EYS: variants seen among roughly 807,000 people sequenced by gnomAD.
EYS encodes EGF-like photoreceptor maintenance factor.
In EYS, 250 loss-of-function variants were observed where a neutral mutation model predicts 282.1. The ratio of observed to expected loss-of-function variants is 0.89; its 90% CI spans 0.80 to 0.98. The LOEUF (loss-of-function observed/expected upper bound fraction) is 0.98. EYS is among the 50% of genes least tolerant of loss of function. The pLI, the probability that EYS is intolerant of heterozygous loss-of-function variation, is 0.00. For missense variants in EYS, 4,016 were observed against 3,709.0 expected, an observed-to-expected ratio of 1.08 and a Z score of -2.15; for synonymous variants, 1,355 against 1,282.9, an observed-to-expected ratio of 1.06 and a Z score of -1.20.
chr6:64,616,692 T>C lies in EYS; in HGVS notation c.3684+726A>G, dbSNP rs978825112. ...ACACTTGTTCATCTTTTATACACACTGGCCAGATGCTTGAAGTATGATTCT... is the reference window on the plus strand; with the variant it reads ...ACACTTGTTCATCTTTTATACACACCGGCCAGATGCTTGAAGTATGATTCT... On this transcript the variant is annotated intron_variant, in intron 24 of 42. Coordinates refer to ENST00000503581, the MANE Select transcript of EYS (RefSeq NM_001142800.2). Among the ~76,000 whole-genome samples, 6 of 152,148 alleles carry C rather than the reference T, an allele frequency of 3.9e-5. 1 individual carries two copies. The highest frequency in any genetic ancestry group is 1.4e-4 in the African/African-American group (6 of 41,428).
At chr6:65,186,770 T>C (rs1332089357) in intron 12 of EYS, among the ~76,000 whole-genome samples, 2 of 151,746 alleles carry the variant, frequency 1.3e-5, no homozygotes, top group African/African-American at 4.8e-5. Context: ...AAAGTCACCA[T>C]AGCATCACAG....
At chr6:64,957,455 G>A (rs184555023) in intron 14 of EYS, among the ~76,000 whole-genome samples, 7 of 152,090 alleles carry the variant, frequency 4.6e-5, no homozygotes, top group African/African-American at 1.7e-4. Flanking sequence ...TTTGGGAGAT[G>A]TGGGAATGGT....
chr6:65,025,219 T>A (rs1772370090), intron 13 of EYS, among the ~76,000 whole-genome samples: 1 of 152,200 alleles, frequency 6.6e-6, no homozygotes, highest in Admixed American at 6.5e-5. Flanking sequence ...CTATAGCAGA[T>A]TTTAAGAGTT....
intron 24 of EYS, among the ~76,000 whole-genome samples, chr6:64,595,709 C>T (rs1030008783): frequency 1.3e-5 from 2 of 151,996 alleles, no homozygotes; most frequent in African/African-American, 4.8e-5. Flanking sequence ...AAAAGAAATA[C>T]ATAGGAATAA....
chr6:65,495,729 G>T (rs1465257640), intron 3 of EYS, 122 bp from the exon 4 acceptor site: 3 of 369,458 alleles, frequency 8.1e-6, no homozygotes, highest in Non-Finnish European at 1.5e-5. Context: ...GTCACCAGCA[G>T]CTGGGGACCT....
chr6:64,683,533 T>C (rs999212541), intron 22 of EYS, among the ~76,000 whole-genome samples: 2 of 152,178 alleles, frequency 1.3e-5, no homozygotes, highest in Non-Finnish European at 2.9e-5. Flanking sequence ...TGAAGTCATA[T>C]AAACAGTAAT....
At chr6:64,929,949 T>C (rs1768653552) in intron 15 of EYS, among the ~76,000 whole-genome samples, 1 of 152,142 alleles carries the variant, frequency 6.6e-6, no homozygotes, top group South Asian at 2.1e-4. Flanking sequence ...TGTTCTTTCA[T>C]ATATAAAATA....
At chr6:64,054,812 G>A (rs1359448942) in intron 33 of EYS, among the ~76,000 whole-genome samples, 1 of 152,142 alleles carries the variant, frequency 6.6e-6, no homozygotes, top group African/African-American at 2.4e-5. Context: ...AAGTGAGATA[G>A]TGTATAAAAA....
At chr6:64,401,766 T>G (rs1017791388) in intron 28 of EYS, among the ~76,000 whole-genome samples, 1 of 152,156 alleles carries the variant, frequency 6.6e-6, no homozygotes, top group African/African-American at 2.4e-5. Flanking sequence ...TTCTCATATT[T>G]ATTCAAGTAA....
chr6:64,008,946 A>G (rs1289870531), intron 33 of EYS, among the ~76,000 whole-genome samples: 1 of 152,096 alleles, frequency 6.6e-6, no homozygotes. Context: ...ATGTGTTTTG[A>G]GCATGGTCAT....
At chr6:65,171,583 C>T (rs998495995) in intron 12 of EYS, among the ~76,000 whole-genome samples, 5 of 150,938 alleles carry the variant, frequency 3.3e-5, no homozygotes, top group Non-Finnish European at 7.4e-5. Context: ...TTTAGTTGTG[C>T]GAGGTCGTTT....
intron 19 of EYS, among the ~76,000 whole-genome samples, chr6:64,860,770 A>G (rs1056606536): frequency 6.6e-6 from 1 of 152,108 alleles, no homozygotes; most frequent in African/African-American, 2.4e-5. Flanking sequence ...CATGCCCAGG[A>G]AGAAAGAGGT....
intron 22 of EYS, among the ~76,000 whole-genome samples, chr6:64,674,111 T>C (rs1415818185): frequency 1.3e-5 from 2 of 152,134 alleles, no homozygotes; most frequent in Non-Finnish European, 2.9e-5. Flanking sequence ...AAAAGTTGCA[T>C]AGAGGCCTAT....
At chr6:64,919,931 A>T (rs190690029) in intron 15 of EYS, among the ~76,000 whole-genome samples, 2 of 152,296 alleles carry the variant, frequency 1.3e-5, no homozygotes, top group African/African-American at 4.8e-5. Flanking sequence ...CAGTATATTC[A>T]TATTTAAAAT....
intron 12 of EYS, among the ~76,000 whole-genome samples, chr6:65,282,984 T>C (rs1235573737): frequency 1.3e-5 from 2 of 151,968 alleles, no homozygotes; most frequent in Non-Finnish European, 2.9e-5. Context: ...AAATTAAATA[T>C]ATATACATCC....
intron 2 of EYS, among the ~76,000 whole-genome samples, chr6:65,543,239 G>GACCTCAA: frequency 8.7e-5 from 1 of 11,476 alleles, no homozygotes; most frequent in Non-Finnish European, 1.2e-4. Flanking sequence ...GGCTGGTCAG[G>GACCTCAA]ATGAACAACC....
intron 14 of EYS, among the ~76,000 whole-genome samples, chr6:64,947,636 C>T (rs756601887): frequency 1.4e-5 from 2 of 147,128 alleles, no homozygotes; most frequent in Non-Finnish European, 3.0e-5. Context: ...TCATTGGTTG[C>T]GTTTGGCTTA....
At chr6:64,380,584 A>C (rs1473744285) in intron 29 of EYS, among the ~76,000 whole-genome samples, 2 of 152,228 alleles carry the variant, frequency 1.3e-5, no homozygotes, top group Non-Finnish European at 2.9e-5. Context: ...GACAAGCTAA[A>C]TAGAAACAAG....
chr6:64,855,178 A>ATG (rs1214932910), intron 19 of EYS, among the ~76,000 whole-genome samples: 2 of 151,196 alleles, frequency 1.3e-5, no homozygotes, highest in East Asian at 1.9e-4. Context: ...GTGTATCTGT[A>ATG]TGTGTGTGTG....
Sources: gnomAD v4.1 joint callset for allele counts (sites outside exome capture counted in the v4.1 genomes callset) on GRCh38, gnomAD v4.1.1 for gene constraint, MANE v1.5 for transcripts, NCBI Gene and HGNC (gene_info 2026-07-23, HGNC 2026-07-21) for gene names.